OXR1: variants seen among roughly 807,000 people sequenced by gnomAD.
OXR1 encodes oxidation resistance 1.
In OXR1, 41 loss-of-function variants were observed where a neutral mutation model predicts 104.6. The ratio of observed to expected loss-of-function variants is 0.39; its 90% CI spans 0.31 to 0.51. OXR1 has a LOEUF of 0.51. Ranked by LOEUF, OXR1 falls within the 20% of genes least tolerant of loss-of-function variation. The probability of loss-of-function intolerance (pLI) is 0.77; values close to 1 mark genes in which losing one functional copy is unlikely to be tolerated. For synonymous variants in OXR1, 348 were observed against 348.4 expected (o/e 1.00, Z 0.01); for missense variants, 955 against 1,031.9 (o/e 0.93, Z 1.02).
At chr8:106,641,155 T>G (rs1025316759) in intron 3 of OXR1, among the ~76,000 whole-genome samples, 2 of 152,226 alleles carry the variant, frequency 1.3e-5, no homozygotes, top group African/African-American at 4.8e-5. Context: ...CACAGCTGTC[T>G]TCTTCTTTTT....
At chr8:106,705,953 A>C (rs971774310) in intron 8 of OXR1, among the ~76,000 whole-genome samples, 1 of 152,144 alleles carries the variant, frequency 6.6e-6, no homozygotes, top group African/African-American at 2.4e-5. Context: ...GTGTATATCT[A>C]TGGAAATCAG....
At chr8:106,456,610 T>C (rs1820610472) in intron 2 of OXR1, among the ~76,000 whole-genome samples, 2 of 152,220 alleles carry the variant, frequency 1.3e-5, no homozygotes, top group South Asian at 4.1e-4. Context: ...TGGGTTTTTT[T>C]TCTCCACACC....
intron 3 of OXR1, among the ~76,000 whole-genome samples, chr8:106,570,648 T>G (rs1341795062): frequency 6.6e-6 from 1 of 152,198 alleles, no homozygotes; most frequent in South Asian, 2.1e-4. Flanking sequence ...CCCTTTTTCA[T>G]GCTGTCTTCA....
intron 1 of OXR1, among the ~76,000 whole-genome samples, chr8:106,354,020 G>A (rs1191214697): frequency 6.6e-6 from 1 of 151,842 alleles, no homozygotes; most frequent in East Asian, 1.9e-4. Flanking sequence ...GCTGATTTTA[G>A]CGTACTATCT....
At chr8:106,429,369 C>A (rs1227651829) in intron 2 of OXR1, among the ~76,000 whole-genome samples, 1 of 152,090 alleles carries the variant, frequency 6.6e-6, no homozygotes, top group African/African-American at 2.4e-5. Context: ...TTAAGAAATG[C>A]TTACTTTAGG....
intron 1 of OXR1, among the ~76,000 whole-genome samples, chr8:106,342,363 G>C (rs1047345941): frequency 6.6e-6 from 1 of 150,804 alleles, no homozygotes; most frequent in Non-Finnish European, 1.5e-5. Context: ...CAATTATCCT[G>C]CCTCAGCCTC....
intron 6 of OXR1, among the ~76,000 whole-genome samples, chr8:106,687,556 C>A (rs1462439185): frequency 2.6e-5 from 4 of 152,036 alleles, no homozygotes; most frequent in Non-Finnish European, 5.9e-5. Flanking sequence ...CCCATCTTTA[C>A]TAAAAATACA....
intron 2 of OXR1, among the ~76,000 whole-genome samples, chr8:106,430,048 T>C (rs1819297080): frequency 6.6e-6 from 1 of 152,180 alleles, no homozygotes; most frequent in South Asian, 2.1e-4. Flanking sequence ...TGTGTCTGTG[T>C]GTTGTGTGTA....
intron 2 of OXR1, among the ~76,000 whole-genome samples, chr8:106,504,044 G>A (rs578092065): frequency 4.4e-4 from 67 of 152,240 alleles, no homozygotes; most frequent in African/African-American, 1.5e-3. Context: ...AATACAAAGA[G>A]CTGATGCCAG....
intron 6 of OXR1, among the ~76,000 whole-genome samples, chr8:106,691,222 C>T (rs911781537): frequency 5.9e-5 from 9 of 151,710 alleles, no homozygotes; most frequent in Admixed American, 3.3e-4. Flanking sequence ...TTTTAAGGAC[C>T]TTCTCTGGTG....
In OXR1 at chr8:106,700,260, A is replaced by G. The variant is rs1356315313; in HGVS notation, c.676-2646A>G. Among the ~76,000 whole-genome samples the G allele has an allele frequency of 2.6e-5, 4 of 152,182 alleles. No homozygotes were observed. In the East Asian group the frequency reaches 7.7e-4, roughly 29 times the overall value. On this transcript the variant is annotated intron_variant, in intron 7 of 16. Coordinates refer to ENST00000517566, the MANE Select transcript of OXR1 (RefSeq NM_001198533.2). ...ATATGTAGGAGTTATGAAATATTTTAAAAATAATGAGATGGGAGTGCTTTG... is the reference window on the plus strand; with the variant it reads ...ATATGTAGGAGTTATGAAATATTTTGAAAATAATGAGATGGGAGTGCTTTG...
At chr8:106,536,913 ATC>A (rs1814583094) in intron 3 of OXR1, among the ~76,000 whole-genome samples, 2 of 152,170 alleles carry the variant, frequency 1.3e-5, no homozygotes, top group Non-Finnish European at 2.9e-5. Context: ...CCACAACATT[ATC>A]TGTTATCTGA....
intron 1 of OXR1, among the ~76,000 whole-genome samples, chr8:106,329,795 C>T (rs770105070): frequency 2.0e-5 from 3 of 151,966 alleles, no homozygotes; most frequent in Non-Finnish European, 2.9e-5. Context: ...TGTCAGTGAG[C>T]GGGTTGCATG....
At chr8:106,281,077 A>G (rs527712180) in intron 1 of OXR1, among the ~76,000 whole-genome samples, 7 of 152,250 alleles carry the variant, frequency 4.6e-5, no homozygotes, top group South Asian at 4.2e-4. Flanking sequence ...GCCTTACACA[A>G]CTAGGGGAAG....
chr8:106,594,812 G>A (rs1819389112), intron 3 of OXR1, among the ~76,000 whole-genome samples: 1 of 152,202 alleles, frequency 6.6e-6, no homozygotes, highest in Admixed American at 6.5e-5. Context: ...TCCTCCCTTG[G>A]AAGGTGCTCA....
At chr8:106,558,676 C>CT (rs1178804726) in intron 3 of OXR1, among the ~76,000 whole-genome samples, 2 of 152,104 alleles carry the variant, frequency 1.3e-5, no homozygotes, top group African/African-American at 2.4e-5. Context: ...TGGAATTCTA[C>CT]TTTTTTTATT....
chr8:106,679,730 C>G (rs974052314), intron 4 of OXR1, among the ~76,000 whole-genome samples: 5 of 151,412 alleles, frequency 3.3e-5, no homozygotes, highest in Admixed American at 2.0e-4. Flanking sequence ...TTATTTATAG[C>G]TAACTCCCTT....
chr8:106,561,431 T>A (rs1330337411), intron 3 of OXR1, among the ~76,000 whole-genome samples: 1 of 152,136 alleles, frequency 6.6e-6, no homozygotes, highest in Non-Finnish European at 1.5e-5. Flanking sequence ...TCTAGATTCC[T>A]TCTCTCTGGG....
intron 3 of OXR1, among the ~76,000 whole-genome samples, chr8:106,618,680 G>A (rs1236764698): frequency 6.6e-6 from 1 of 152,160 alleles, no homozygotes; most frequent in Non-Finnish European, 1.5e-5. Context: ...TAATGGCAGT[G>A]ATCAAGTCAC....
Sources: gnomAD v4.1 joint callset for allele counts (sites outside exome capture counted in the v4.1 genomes callset) on GRCh38, gnomAD v4.1.1 for gene constraint, MANE v1.5 for transcripts, NCBI Gene and HGNC (gene_info 2026-07-23, HGNC 2026-07-21) for gene names.